Variants in MECR observed in about 807,000 individuals in gnomAD.
MECR encodes the protein mitochondrial trans-2-enoyl-CoA reductase, also known as enoyl-[acyl-carrier-protein] reductase, mitochondrial.
A neutral mutation model predicts 49.1 loss-of-function variants in MECR; 37 were observed. The ratio of observed to expected loss-of-function variants is 0.75; its 90% CI spans 0.58 to 0.99. MECR has a LOEUF of 0.99. MECR is among the 50% of genes least tolerant of loss of function. MECR has a pLI of 0.00. For missense variants in MECR, 470 were observed against 479.6 expected (o/e 0.98, Z 0.19); for synonymous variants, 198 against 191.1 (o/e 1.04, Z -0.30).
At chr1:29,197,972 C>T (rs1192784217) in intron 7 of MECR, among the ~76,000 whole-genome samples, 2 of 152,176 alleles carry the variant, frequency 1.3e-5, no homozygotes, top group African/African-American at 4.8e-5. Context: ...CTTGTTGGCA[C>T]CAGGACCGGT....
chr1:29,222,135 C>A (rs12135886), intron 1 of MECR, among the ~76,000 whole-genome samples: 29,999 of 152,116 alleles, frequency 0.2, 3,535 homozygotes, highest in Non-Finnish European at 0.28. Context: ...GCTTTGTCGC[C>A]CAGGCTGGAG....
At chr1:29,220,659 G>C (rs1175136904) in intron 1 of MECR, 1 of 152,592 alleles carries the variant, frequency 6.6e-6, no homozygotes, top group Non-Finnish European at 1.5e-5. Context: ...TCAGTTCATA[G>C]ATGATGGGTA....
intron 4 of MECR, 27 bp downstream of exon 4, chr1:29,206,735 C>T (rs765909274): frequency 6.2e-7 from 1 of 1,612,846 alleles, no homozygotes; most frequent in Non-Finnish European, 8.5e-7. Context: ...AGACCCTGGC[C>T]TGCTCCCCCA....
At chr1:29,194,814 T>C (rs1673576405) in intron 9 of MECR, among the ~76,000 whole-genome samples, 1 of 152,180 alleles carries the variant, frequency 6.6e-6, no homozygotes, top group Non-Finnish European at 1.5e-5. Flanking sequence ...GCTCCTCAGT[T>C]GCCTTTAAGC....
chr1:29,181,821 CACGGCG>C, the MECR span: 1 of 1,342,702 alleles, frequency 7.4e-7, no homozygotes. Flanking sequence ...AAAGCGAGAG[CACGGCG>C]GCAGCGGCGG....
chr1:29,195,006 CTTGGGAGGCTGAG>C (rs1673618814), intron 9 of MECR, among the ~76,000 whole-genome samples: 1 of 151,928 alleles, frequency 6.6e-6, no homozygotes, highest in Non-Finnish European at 1.5e-5. Flanking sequence ...GTCCTAGCTA[CTTGGGAGGCTGAG>C]GTGGGAGGAT....
At chr1:29,225,883 G>T (rs1186854436) in intron 1 of MECR, among the ~76,000 whole-genome samples, 1 of 152,052 alleles carries the variant, frequency 6.6e-6, no homozygotes, top group Non-Finnish European at 1.5e-5. Flanking sequence ...AGACAGAATG[G>T]GTAGGCCGGG....
downstream of MECR, among the ~76,000 whole-genome samples, chr1:29,191,079 C>T (rs538914896): frequency 2.6e-5 from 4 of 152,306 alleles, no homozygotes; most frequent in African/African-American, 9.6e-5. Context: ...TTATAATCAT[C>T]CTTTGAAGAC....
At chr1:29,217,218 T>G (rs1679682071) in intron 1 of MECR, among the ~76,000 whole-genome samples, 3 of 150,304 alleles carry the variant, frequency 2.0e-5, no homozygotes, top group Admixed American at 2.0e-4. Flanking sequence ...AGTGTTTTTT[T>G]TTTTTTTTTT....
rs574339558 is a variant in MECR, at chr1:29,217,057, G to A, written c.177-372C>T. Among the ~76,000 whole-genome samples, 13 of 142,836 alleles carry A rather than the reference G, an allele frequency of 9.1e-5. No individual in the cohort carries two copies. In the South Asian group the frequency reaches 2.4e-3, roughly 27 times the overall value. 93.7% of individuals were successfully genotyped at this position (142,836 alleles called of 152,430 possible). ...GCTGAGGCAGAAGAATTGCTTCAAC[G>A]TGGGAGGCAGAGGTTGTAGTGAGCT... is the stretch of plus-strand genomic sequence containing the variant. On this transcript the variant is annotated intron_variant, in intron 1 of 9. Transcript: ENST00000263702.
At chr1:29,189,396 T>TG (rs34552321), downstream of MECR, among the ~76,000 whole-genome samples, 49,792 of 147,102 alleles carry the variant, frequency 0.34, 9,349 homozygotes, top group Non-Finnish European at 0.43. Context: ...AGAGATGGGT[T>TG]GGGGGGGGGT....
At chr1:29,230,084 G>GATGC (rs1484321538) in intron 1 of MECR, among the ~76,000 whole-genome samples, 2 of 152,196 alleles carry the variant, frequency 1.3e-5, no homozygotes, top group East Asian at 3.8e-4. Flanking sequence ...ACCAAGCCAA[G>GATGC]ATGCATATAC....
the MECR span, among the ~76,000 whole-genome samples, chr1:29,182,932 G>A: frequency 6.6e-6 from 1 of 152,236 alleles, no homozygotes; most frequent in Non-Finnish European, 1.5e-5. Context: ...TAGTGTATGT[G>A]AAAGTACTTG....
chr1:29,181,416 C>CCA, the MECR span, among the ~76,000 whole-genome samples: 1 of 152,186 alleles, frequency 6.6e-6, no homozygotes, highest in African/African-American at 2.4e-5. Flanking sequence ...TCTCCCCGTC[C>CCA]CACTCAGGGC....
chr1:29,173,084 A>G, the MECR span: 1 of 151,590 alleles, frequency 6.6e-6, no homozygotes, highest in East Asian at 1.9e-4. Context: ...TAATATCTAA[A>G]TGATCTACAA....
rs145593823 is a variant in MECR at position 29,216,601 on chromosome 1, T to C, written c.261A>G (p.Ile87Met). 18 of 1,614,144 alleles carry C rather than the reference T, an allele frequency of 1.1e-5. No individual in the cohort carries two copies. In the African/African-American group the frequency reaches 2.1e-4, roughly 19 times the overall value. The part of the protein sequence containing the change: ...MLAAPINPSD[I>M]NMIQGNYGFL... ...AACCAAGGTTACCTTGGATCATATT[T>C]ATGTCAGATGGATTGATAGGGGCCG... Residue 87 changes from isoleucine to methionine, a missense_variant, in exon 2 of 10, where the codon ATA becomes ATG. By Grantham distance (10) the Ile-to-Met change is conservative. Coordinates refer to ENST00000263702, the MANE Select transcript of MECR (RefSeq NM_016011.5).
At chr1:29,188,036 C>CAA (rs57284689), downstream of MECR, among the ~76,000 whole-genome samples, 14,350 of 66,300 alleles carry the variant, frequency 0.22, 2,244 homozygotes, top group East Asian at 0.41. Flanking sequence ...GACTCTGTCT[C>CAA]AAAAAAAAAA....
At chr1:29,174,193 CA>C in the MECR span, among the ~76,000 whole-genome samples, 60 of 78,858 alleles carry the variant, frequency 7.6e-4, no homozygotes, top group Admixed American at 7.6e-4. Flanking sequence ...GACCCCATCT[CA>C]AAAAAAAAAA....
At position 29,199,367 on chromosome 1, in the gene MECR, A is replaced by G. The variant is rs1355606234; in HGVS notation, c.830+1149T>C. On this transcript the variant is annotated intron_variant, in intron 7 of 9. Transcript: ENST00000263702. ...CTCAGACTCCTGAGCAGCTGGGACT[A>G]CAGGTGCCCGCCACCACACCTGGCT... Among the ~76,000 whole-genome samples the G allele has an allele frequency of 2.0e-5, 3 of 152,036 alleles. No individual in the cohort carries two copies. In the East Asian group the frequency reaches 5.8e-4, roughly 29 times the overall value.
Sources: gnomAD v4.1 joint callset for allele counts (sites outside exome capture counted in the v4.1 genomes callset) on GRCh38, gnomAD v4.1.1 for gene constraint, MANE v1.5 for transcripts, NCBI Gene and HGNC (gene_info 2026-07-23, HGNC 2026-07-21) for gene names.